The following MYZAP variants were observed in gnomAD, a reference collection of about 807,000 sequenced individuals.
The protein encoded by MYZAP is myocardial zonula adherens protein, also known as GRINL1A complex locus upstream.
A neutral mutation model predicts 69.4 loss-of-function variants in MYZAP; 66 were observed. The observed-to-expected ratio is 0.95, with a 90% CI of 0.78 to 1.17. The LOEUF is 1.17. Among genes scored for constraint, MYZAP ranks in the 50% most tolerant of loss-of-function variants. The pLI, the probability that MYZAP is intolerant of heterozygous loss-of-function variation, is 0.00. For synonymous variants in MYZAP, 256 were observed against 205.9 expected (o/e 1.24, Z -2.09); for missense variants, 611 against 556.2 (o/e 1.10, Z -0.99).
intron 2 of MYZAP, among the ~76,000 whole-genome samples, chr15:57,610,392 G>C (rs914589486): frequency 6.6e-6 from 1 of 152,166 alleles, no homozygotes; most frequent in Non-Finnish European, 1.5e-5. Flanking sequence ...ACAACCTCGC[G>C]GGCTGTTGCC....
intron 6 of MYZAP, among the ~76,000 whole-genome samples, chr15:57,630,322 A>T (rs1049154006): frequency 6.6e-6 from 1 of 152,182 alleles, no homozygotes; most frequent in African/African-American, 2.4e-5. Flanking sequence ...CTTGGCCTCC[A>T]GTCCCTTCAA....
intron 2 of MYZAP, among the ~76,000 whole-genome samples, chr15:57,616,454 A>G (rs1163393699): frequency 6.6e-6 from 1 of 152,176 alleles, no homozygotes; most frequent in Non-Finnish European, 1.5e-5. Context: ...CCTGGCCAAC[A>G]TGATGAAACC....
intron 6 of MYZAP, among the ~76,000 whole-genome samples, chr15:57,630,108 A>C (rs1312058653): frequency 6.6e-6 from 1 of 152,028 alleles, no homozygotes; most frequent in Non-Finnish European, 1.5e-5. Context: ...AGCTGGAATT[A>C]CAGGCACGTG....
intron 8 of MYZAP, among the ~76,000 whole-genome samples, chr15:57,635,668 C>G (rs1356227450): frequency 6.6e-6 from 1 of 152,228 alleles, no homozygotes; most frequent in Non-Finnish European, 1.5e-5. Flanking sequence ...ATTAGGTAGG[C>G]CAATTTACAC....
intron 7 of MYZAP, 76 bp from the exon 8 acceptor site, chr15:57,633,537 G>A: frequency 6.6e-7 from 1 of 1,516,922 alleles, no homozygotes; most frequent in Non-Finnish European, 8.8e-7. Flanking sequence ...ATCTAGCAAG[G>A]CCTGAGCTGA....
intron 9 of MYZAP, 106 bp from the exon 10 acceptor site, chr15:57,639,334 G>C (rs66491200): frequency 8.1e-7 from 1 of 1,232,320 alleles, no homozygotes; most frequent in African/African-American, 1.5e-5. Flanking sequence ...GGCATGAGCC[G>C]CCATGCTTGG....
intron 2 of MYZAP, among the ~76,000 whole-genome samples, chr15:57,613,736 T>C (rs1229664714): frequency 6.6e-6 from 1 of 152,194 alleles, no homozygotes; most frequent in Non-Finnish European, 1.5e-5. Context: ...CTGGATCATG[T>C]AATGAGTCAT....
chr15:57,679,100 C>G (rs2039292724), intron 12 of MYZAP, among the ~76,000 whole-genome samples: 1 of 152,004 alleles, frequency 6.6e-6, no homozygotes, highest in African/African-American at 2.4e-5. Context: ...CACTTGAACC[C>G]AAGAGGTGGA....
intron 12 of MYZAP, among the ~76,000 whole-genome samples, chr15:57,683,795 CCTCT>C (rs1432185653): frequency 6.6e-6 from 1 of 151,826 alleles, no homozygotes; most frequent in Non-Finnish European, 1.5e-5. Context: ...ATTTCTGGGG[CCTCT>C]CTTTTTTTTT....
intron 10 of MYZAP, among the ~76,000 whole-genome samples, chr15:57,640,158 TA>T (rs1807602841): frequency 6.6e-6 from 1 of 152,212 alleles, no homozygotes; most frequent in Admixed American, 6.5e-5. Context: ...CTCTTTTTTC[TA>T]AATGAGAAAA....
chr15:57,619,238 G>A (rs966782138), intron 3 of MYZAP, among the ~76,000 whole-genome samples: 3 of 152,136 alleles, frequency 2.0e-5, no homozygotes, highest in Non-Finnish European at 4.4e-5. Context: ...TAAATGCTTA[G>A]CAGAAAATAT....
At position 57,684,414 on chromosome 15, in the gene MYZAP, G is replaced by A. The variant is rs1028354605; in HGVS notation, c.1317G>A (p.Arg439=). 1 of 1,612,548 alleles carries A rather than the reference G, an allele frequency of 6.2e-7. No individual in the cohort carries two copies. Among genetic ancestry groups the A allele is most frequent in the Admixed American group, 1.7e-5 (1 of 59,846 alleles). Reference sequence around the variant, plus strand: ...TCTCATTTCTCAGCCAAACAGGCAGGACTCGTGAAATTGTGATGCCTTCTA... The same window carrying A: ...TCTCATTTCTCAGCCAAACAGGCAGAACTCGTGAAATTGTGATGCCTTCTA... ...GCDLLPSQTG[R]TREIVMPSRN... The change falls in exon 13 of 13, where the codon AGG becomes AGA. Residue 439 remains arginine (R), a synonymous_variant. Transcript: ENST00000267853.
rs759135359 is a variant in MYZAP, at chr15:57,661,540, A to T, written c.1203+7A>T. 1.2e-6 allele frequency: 2 copies of T among 1,604,646 alleles called. No homozygotes were observed. The highest frequency in any genetic ancestry group is 1.7e-6 in the Non-Finnish European group (2 of 1,176,512). On this transcript the variant is annotated splice_region_variant and intron_variant, in intron 11 of 12. Transcript: ENST00000267853. Reference sequence around the variant, plus strand: ...ATCTTTCTTAGAAGGAGAGGTAAGGATCTCTGTTTCTTTAAGTTGGTGTCT... The same window carrying T: ...ATCTTTCTTAGAAGGAGAGGTAAGGTTCTCTGTTTCTTTAAGTTGGTGTCT...
intron 9 of MYZAP, among the ~76,000 whole-genome samples, chr15:57,637,985 T>A (rs1397853428): frequency 6.6e-6 from 1 of 152,204 alleles, no homozygotes; most frequent in Non-Finnish European, 1.5e-5. Context: ...TGGTTGTTAG[T>A]GTAGTGGAAC....
chr15:57,593,698 G>A (rs879613343), intron 1 of MYZAP, among the ~76,000 whole-genome samples: 7 of 152,196 alleles, frequency 4.6e-5, no homozygotes, highest in Non-Finnish European at 1.0e-4. Context: ...GATGGCAGAC[G>A]TATTTTGGAC....
At chr15:57,671,569 G>A (rs2038868599) in intron 11 of MYZAP, among the ~76,000 whole-genome samples, 1 of 151,742 alleles carries the variant, frequency 6.6e-6, no homozygotes, top group Admixed American at 6.6e-5. Flanking sequence ...TCCATTTATT[G>A]TTTTCAGTCT....
intron 10 of MYZAP, chr15:57,647,058 C>T (rs1201705581): frequency 2.6e-5 from 26 of 985,228 alleles, no homozygotes; most frequent in Admixed American, 6.2e-5. Context: ...GGAGTGAGTG[C>T]GTTCAGAGGC....
chr15:57,623,339 C>T (rs2035932878), intron 4 of MYZAP, among the ~76,000 whole-genome samples: 3 of 152,146 alleles, frequency 2.0e-5, no homozygotes, highest in African/African-American at 7.2e-5. Context: ...ATTTATTCTA[C>T]AGGTAGACTC....
At chr15:57,664,575 T>C (rs1433139848) in intron 11 of MYZAP, among the ~76,000 whole-genome samples, 1 of 152,216 alleles carries the variant, frequency 6.6e-6, no homozygotes, top group Non-Finnish European at 1.5e-5. Context: ...GCAGTCCTTC[T>C]CCAGGTCCTG....
Sources: gnomAD v4.1 joint callset for allele counts (sites outside exome capture counted in the v4.1 genomes callset) on GRCh38, gnomAD v4.1.1 for gene constraint, MANE v1.5 for transcripts, NCBI Gene and HGNC (gene_info 2026-07-23, HGNC 2026-07-21) for gene names.